The following TBX3 variants were observed in gnomAD, a reference collection of about 807,000 sequenced individuals.
TBX3 encodes T-box transcription factor TBX3.
Under a neutral mutation model 47.8 loss-of-function variants are expected in TBX3, and 11 were observed. The ratio of observed to expected loss-of-function variants is 0.23; its 90% confidence interval spans 0.14 to 0.38. TBX3 has a LOEUF of 0.38. TBX3 is among the 10% of genes least tolerant of loss of function. TBX3 has a pLI of 1.00. For synonymous variants in TBX3, 500 were observed against 449.3 expected (o/e 1.11, Z -1.43); for missense variants, 927 against 1,022.8 (o/e 0.91, Z 1.28).
chr12:114,672,620 T>G, intron 6 of TBX3, among the ~76,000 whole-genome samples: 1 of 151,942 alleles, frequency 6.6e-6, no homozygotes, highest in Non-Finnish European at 1.5e-5. Flanking sequence ...TTGAGGACTT[T>G]GTAGATATTA....
rs1869017022 is a variant in TBX3, at chr12:114,683,102, C to T, written c.99G>A (p.Val33=). Residue 33 remains valine, a synonymous_variant, in exon 1 of 7, where the codon GTG becomes GTA. Transcript: ENST00000349155. The surrounding 1 kb of genome is among the most constrained non-coding windows in gnomAD (Gnocchi z 7.7). ...GGAAGAACGGCGGCTGGTGACCCAG[C>T]ACCGCGCTCATGGCGAAGTCCGGCG... The part of the protein sequence containing the change: ...HRAPDFAMSA[V]LGHQPPFFPA... 1.2e-6 allele frequency: 2 copies of T among 1,612,376 alleles called. No homozygotes were observed. Among genetic ancestry groups the T allele is most frequent in the Non-Finnish European group, 1.7e-6 (2 of 1,179,466 alleles).
chr12:114,676,355 A>C lies in TBX3; in HGVS notation c.997T>G (p.Ser333Ala). The change falls in exon 5 of 7, where the codon TCT becomes GCT. Residue 333 changes from serine to alanine, a missense_variant. By Grantham distance (99) the Ser-to-Ala change is moderately conservative (BLOSUM62 1). This residue lies in a region of TBX3 where 44 missense variants were observed against 59.3 expected (regional missense o/e 0.74). Transcript: ENST00000349155. ...CCTACAGTGGAGGCGGCTGGAGAAG[A>C]AGCCTGGGCGAAGCAGTTGAAAGCT... The part of the protein sequence containing the change: ...QAAFNCFAQA[S>A]SPAASTVGTS... The C allele has an allele frequency of 3.1e-6, 5 of 1,614,178 alleles. No homozygotes were observed. Among genetic ancestry groups the C allele is most frequent in the Non-Finnish European group, 4.2e-6 (5 of 1,180,042 alleles).
chr12:114,681,202 G>T, intron 1 of TBX3, 56 bp from the exon 2 acceptor site: 1 of 1,604,346 alleles, frequency 6.2e-7, no homozygotes, highest in Admixed American at 1.7e-5. Flanking sequence ...GTAATCTTGG[G>T]TTTGATTTCC....
rs184662814 is a variant in TBX3 at position 114,670,806 on chromosome 12, C to T, written c.*1035G>A. On this transcript the variant is annotated 3_prime_UTR_variant, in exon 7 of 7. Transcript: ENST00000349155. ...AAACCCAACTAAAGGAAAACAAGAA[C>T]ACAAAACCTGACAGTTGCAATTCTA... is the stretch of plus-strand genomic sequence containing the variant. 4 of 215,378 alleles carry T rather than the reference C, an allele frequency of 1.9e-5. No homozygotes were observed. The East Asian group carries it at 2.8e-4, about 15-fold the overall frequency. 13.3% of individuals were successfully genotyped at this position (215,378 alleles called of 1,614,324 possible). A position where few individuals can be genotyped will look rare whatever the true frequency, so the allele number is the denominator to read the frequency against.
chr12:114,683,167 C>G lies in TBX3; in HGVS notation c.34G>C (p.Gly12Arg). Residue 12 changes from glycine (G) to arginine (R), a missense_variant, in exon 1 of 7, where the codon GGG becomes CGG. Coordinates refer to ENST00000349155, the MANE Select transcript of TBX3 (RefSeq NM_005996.4). This position sits in a 1 kb window ranked among gnomAD's most constrained non-coding sequence, Gnocchi z 7.7. Reference sequence around the variant, plus strand: ...AACGGATGGTAGGCCATGCTTGTCCCAGGAATGACCGGATCTCTCATGGAG... The same window carrying G: ...AACGGATGGTAGGCCATGCTTGTCCGAGGAATGACCGGATCTCTCATGGAG... ...SLSMRDPVIP[G>R]TSMAYHPFLP... The G allele has an allele frequency of 1.2e-6, 2 of 1,612,218 alleles. No homozygotes were observed. The highest frequency in any genetic ancestry group is 1.7e-6 in the Non-Finnish European group (2 of 1,179,446).
rs1156417799 is a variant in TBX3, at chr12:114,671,692, A to T, written c.*149T>A. 2 of 923,498 alleles carry T rather than the reference A, an allele frequency of 2.2e-6. No homozygotes were observed. Among genetic ancestry groups the T allele is most frequent in the Admixed American group, 4.1e-5 (2 of 49,326 alleles). The allele number at this position is 923,498 out of a possible 1,614,324, so 57.2% of individuals were successfully genotyped here. On this transcript the variant is annotated 3_prime_UTR_variant, in exon 7 of 7. Coordinates refer to ENST00000349155, the MANE Select transcript of TBX3 (RefSeq NM_005996.4). The stretch of plus-strand genomic sequence containing the variant: ...AGAAGACAGGGGCTGTCTCTAGCAC[A>T]TTCTCTCGAGGGAGTCCGGGGCCCC...
At position 114,683,422 on chromosome 12, in the gene TBX3, G is replaced by C; in HGVS notation, c.-222C>G. On this transcript the variant is annotated 5_prime_UTR_variant, in exon 1 of 7. Coordinates refer to ENST00000349155, the MANE Select transcript of TBX3 (RefSeq NM_005996.4). This position sits in a 1 kb window ranked among gnomAD's most constrained non-coding sequence, Gnocchi z 7.7. ...GAGAATGGGAGGCCGCTTTTAAAGA[G>C]GGCAAGGCGAAAAATCAGCAAACAT... 1 of 614,356 alleles carries C rather than the reference G, an allele frequency of 1.6e-6. No individual in the cohort carries two copies. Among genetic ancestry groups the C allele is most frequent in the Non-Finnish European group, 2.7e-6 (1 of 370,444 alleles). 38.1% of individuals were successfully genotyped at this position (614,356 alleles called of 1,614,324 possible). A position where few individuals can be genotyped will look rare whatever the true frequency, so the allele number is the denominator to read the frequency against.
Position 114,679,348 on chromosome 12 carries a change from G to A in TBX3, c.804+157C>T, listed in dbSNP as rs77797875. The stretch of plus-strand genomic sequence containing the variant: ...CAAGGTGTTTTTCTGTCTCCTCGAG[G>A]TGTCATTGTCCTTTCCCCCCAAATG... On this transcript the variant is annotated intron_variant, in intron 3 of 6. Transcript: ENST00000349155. 3.4e-3 allele frequency among the ~76,000 whole-genome samples: 519 copies of A among 152,166 alleles called. 7 individuals are homozygous for A. The East Asian group carries it at 0.041, about 12-fold the overall frequency.
rs1383165764 is a variant in TBX3, at chr12:114,672,252, G to A, written c.1761C>T (p.Tyr587=). The A allele has an allele frequency of 1.9e-6, 3 of 1,576,388 alleles. No individual in the cohort carries two copies. Among genetic ancestry groups the A allele is most frequent in the African/African-American group, 2.7e-5 (2 of 74,346 alleles). ...FGSLFPYPYT[Y]MAAAAAASSA... ...AGGAGGCGGCCGCCGCTGCGGCCATGTACGTGTAGGGGTAAGGGAACAGGC... is the reference window on the plus strand; with the variant it reads ...AGGAGGCGGCCGCCGCTGCGGCCATATACGTGTAGGGGTAAGGGAACAGGC... Residue 587 remains tyrosine, a synonymous_variant, in exon 7 of 7, where the codon TAC becomes TAT. Transcript: ENST00000349155.
chr12:114,680,151 TCCGCG>T (rs1868865135), intron 2 of TBX3: 2 of 663,244 alleles, frequency 3.0e-6, no homozygotes, highest in South Asian at 3.7e-5. Flanking sequence ...TGAAGATATT[TCCGCG>T]CCATTCGCGT....
At position 114,681,040 on chromosome 12, in the gene TBX3, G is replaced by T; in HGVS notation, c.496C>A (p.His166Asn). ...IAADDCRYKF[H>N]NSRWMVAGKA... ...CCAGCCACCATCCACCGAGAATTGT[G>T]AAATTTATAACGACAGTCATCAGCA... Residue 166 changes from histidine (H) to asparagine (N), a missense_variant, in exon 2 of 7, where the codon CAC (histidine) becomes AAC (asparagine). Transcript: ENST00000349155. 1.2e-6 allele frequency: 2 copies of T among 1,613,930 alleles called. No individual in the cohort carries two copies. Among genetic ancestry groups the T allele is most frequent in the Non-Finnish European group, 1.7e-6 (2 of 1,180,016 alleles).
intron 6 of TBX3, among the ~76,000 whole-genome samples, chr12:114,673,603 C>T (rs1868553716): frequency 6.6e-6 from 1 of 152,138 alleles, no homozygotes. Context: ...TAGTCACTTC[C>T]CCTCCCCAGG....
intron 6 of TBX3, among the ~76,000 whole-genome samples, chr12:114,673,504 C>G (rs1250150584): frequency 6.6e-6 from 1 of 152,134 alleles, no homozygotes; most frequent in East Asian, 1.9e-4. Flanking sequence ...GAGGAATAGG[C>G]TGGCCTGCTT....
chr12:114,673,141 A>T (rs950174751), intron 6 of TBX3, among the ~76,000 whole-genome samples: 1 of 152,174 alleles, frequency 6.6e-6, no homozygotes, highest in African/African-American at 2.4e-5. Flanking sequence ...TGTACCAACC[A>T]CCTGCCCACC....
intron 6 of TBX3, 69 bp downstream of exon 6, chr12:114,674,096 G>C: frequency 6.5e-7 from 1 of 1,545,950 alleles, no homozygotes; most frequent in South Asian, 1.2e-5. Flanking sequence ...GTGAGGGTCT[G>C]CTGGCAAAGG....
At chr12:114,682,418 TTCTC>T (rs1052805563) in intron 1 of TBX3, among the ~76,000 whole-genome samples, 16 of 152,200 alleles carry the variant, frequency 1.1e-4, no homozygotes, top group Non-Finnish European at 2.1e-4. Context: ...CTTTAAGTTT[TTCTC>T]TCTGAGAACA....
intron 2 of TBX3, 27 bp downstream of exon 2, chr12:114,680,852 T>C: frequency 6.2e-7 from 1 of 1,613,946 alleles, no homozygotes; most frequent in Non-Finnish European, 8.5e-7. Context: ...AGGAGAAAAT[T>C]TTACTGAAGA....
chr12:114,671,190 C>A lies in TBX3; in HGVS notation c.*651G>T, dbSNP rs938755855. The A allele has an allele frequency of 3.2e-5, 7 of 220,760 alleles. No individual in the cohort carries two copies. The South Asian group carries it at 1.3e-3, about 41-fold the overall frequency. 13.7% of individuals were successfully genotyped at this position (220,760 alleles called of 1,614,324 possible). ...TAAAAGCAAGCGTTCAAAATAAAAACCACAAATACATTACTGTGGACATGC... is the reference window on the plus strand; with the variant it reads ...TAAAAGCAAGCGTTCAAAATAAAAAACACAAATACATTACTGTGGACATGC... On this transcript the variant is annotated 3_prime_UTR_variant, in exon 7 of 7. Transcript: ENST00000349155.
rs1291364957 is a variant in TBX3 at position 114,674,542 on chromosome 12, C to T, written c.1333G>A (p.Ala445Thr). 2 of 1,542,840 alleles carry T rather than the reference C, an allele frequency of 1.3e-6. No individual in the cohort carries two copies. The highest frequency in any genetic ancestry group is 8.7e-7 in the Non-Finnish European group (1 of 1,148,778). The change falls in exon 6 of 7, where the codon GCC becomes ACC. Residue 445 changes from alanine (A) to threonine (T), a missense_variant. Ala to Thr is a moderately conservative substitution (Grantham distance 58). Around this residue, in one of 5 missense-constraint regions of TBX3, gnomAD observed 623 missense variants for 569.0 expected, o/e 1.09. Transcript: ENST00000349155. The stretch of plus-strand genomic sequence containing the variant: ...AGCGCGCGCGCCTCTTCCACCTTGG[C>T]CGGCGCTGTGCCCTCGCGAACCGGG... ...RSPVREGTAPAKVEEARALPG... is the reference protein window; with the variant it reads ...RSPVREGTAPTKVEEARALPG...
Sources: allele counts gnomAD v4.1 joint callset (sites outside exome capture counted in the v4.1 genomes callset), GRCh38; gene constraint gnomAD v4.1.1; regional missense constraint gnomAD v4.1.1; non-coding constraint Gnocchi (gnomAD v3.1); transcripts MANE v1.5; gene names NCBI Gene and HGNC (gene_info 2026-07-23, HGNC 2026-07-21).